ESR1: variants seen among roughly 807,000 people sequenced by gnomAD.
ESR1 encodes the protein estrogen receptor 1.
Under a neutral mutation model 52.7 loss-of-function variants are expected in ESR1, and 12 were observed. The ratio of observed to expected loss-of-function variants is 0.23; its 90% CI spans 0.15 to 0.37. ESR1 has a LOEUF of 0.37. Among genes scored for constraint, ESR1 ranks in the 10% least tolerant of loss-of-function variants. The pLI is 1.00. For synonymous variants in ESR1, 305 were observed against 316.8 expected (o/e 0.96, Z 0.39); for missense variants, 584 against 779.7 (o/e 0.75, Z 2.99).
rs1007185757 is a variant in ESR1, at chr6:151,781,880, AGT to A, written c.-70-25960_-70-25959del. ...CAGTGGGAACCACAGAGCTATTTAG[AGT>A]GTCTGGTATAAATGATTTTATTGTT... is the stretch of plus-strand genomic sequence containing the variant. On this transcript the variant is annotated intron_variant, in intron 2 of 2. Coordinates refer to the ESR1 transcript ENST00000404742. Among the ~76,000 whole-genome samples the A allele has an allele frequency of 1.4e-4, 21 of 152,290 alleles. 1 individual carries two copies. The highest frequency in any genetic ancestry group is 4.3e-4 in the African/African-American group (18 of 41,562).
At chr6:151,709,317 C>CT (rs34376655) in intron 2 of ESR1, among the ~76,000 whole-genome samples, 6 of 152,094 alleles carry the variant, frequency 3.9e-5, no homozygotes, top group Admixed American at 2.6e-4. Flanking sequence ...ATATTTTTCT[C>CT]TTTTTTTAAG....
chr6:152,081,111 T>C (rs2049166421), intron 6 of ESR1, among the ~76,000 whole-genome samples: 1 of 152,210 alleles, frequency 6.6e-6, no homozygotes, highest in Admixed American at 6.5e-5. Flanking sequence ...AACTCAGCTC[T>C]AGACCAAGTG....
At chr6:151,839,238 G>T (rs561411501) in intron 1 of ESR1, among the ~76,000 whole-genome samples, 1 of 152,104 alleles carries the variant, frequency 6.6e-6, no homozygotes, top group South Asian at 2.1e-4. Context: ...AAGTTTATGG[G>T]GATTAGGAGT....
rs962697670 is a variant in ESR1 at position 152,038,294 on chromosome 6, C to T, written c.1236-22697C>T. Among the ~76,000 whole-genome samples, 9 of 152,300 alleles carry T rather than the reference C, an allele frequency of 5.9e-5. 1 individual carries two copies. In the South Asian group the frequency reaches 8.3e-4, roughly 14 times the overall value. On this transcript the variant is annotated intron_variant, in intron 5 of 7. Transcript: ENST00000206249. ...GCTGGCATGATGATGACATGGTGCC[C>T]GCCCAGATTGAGGATGGGTCTCCAT...
intron 4 of ESR1, among the ~76,000 whole-genome samples, chr6:151,957,944 A>G (rs1233786168): frequency 1.1e-4 from 17 of 152,218 alleles, no homozygotes; most frequent in Admixed American, 1.1e-3. Context: ...ATCCTGGGAC[A>G]GGCTTACATT....
chr6:151,663,675 A>T (rs1235011165), intron 1 of ESR1, among the ~76,000 whole-genome samples: 2 of 152,200 alleles, frequency 1.3e-5, no homozygotes, highest in East Asian at 3.8e-4. Context: ...GGCCCCACAG[A>T]GTACGGCTTT....
intron 3 of ESR1, among the ~76,000 whole-genome samples, chr6:151,915,369 A>G (rs1199023196): frequency 6.6e-6 from 1 of 152,164 alleles, no homozygotes; most frequent in Non-Finnish European, 1.5e-5. Flanking sequence ...TTTGTAAGCT[A>G]TGAATAAGGT....
At chr6:152,120,798 T>C (rs901056714) in intron 6 of ESR1, among the ~76,000 whole-genome samples, 1 of 152,132 alleles carries the variant, frequency 6.6e-6, no homozygotes, top group Non-Finnish European at 1.5e-5. Flanking sequence ...GAACCCTAGT[T>C]GAGATGGACT....
At chr6:151,885,923 C>T (rs1056878066) in intron 3 of ESR1, among the ~76,000 whole-genome samples, 1 of 152,064 alleles carries the variant, frequency 6.6e-6, no homozygotes, top group African/African-American at 2.4e-5. Context: ...GATGACAAAT[C>T]GTAACATGGG....
chr6:151,661,128 AT>A (rs1324704684), intron 1 of ESR1, among the ~76,000 whole-genome samples: 2 of 96,032 alleles, frequency 2.1e-5, no homozygotes, highest in Admixed American at 9.9e-5. Context: ...AATTAAAAAA[AT>A]AATGTAATGC....
At position 152,048,306 on chromosome 6, in the gene ESR1, G is replaced by C. The variant is rs118150734; in HGVS notation, c.1236-12685G>C. The stretch of plus-strand genomic sequence containing the variant: ...GGAATTGCTTGAGGAGGATATTGCA[G>C]TGAGCTGGATCGCACCTCTGCACTC... On this transcript the variant is annotated intron_variant, in intron 5 of 7. Transcript: ENST00000206249. 7.4e-5 allele frequency among the ~76,000 whole-genome samples: 11 copies of C among 148,404 alleles called. No individual in the cohort carries two copies. The East Asian group carries it at 1.8e-3, about 24-fold the overall frequency.
intron 1 of ESR1, among the ~76,000 whole-genome samples, chr6:151,667,103 C>G (rs1777856556): frequency 6.6e-6 from 1 of 152,126 alleles, no homozygotes; most frequent in African/African-American, 2.4e-5. Context: ...CTGTCTGGCC[C>G]AGATCTCATT....
At chr6:151,714,188 CA>C (rs539167108) in intron 2 of ESR1, among the ~76,000 whole-genome samples, 7 of 152,264 alleles carry the variant, frequency 4.6e-5, no homozygotes, top group Non-Finnish European at 1.0e-4. Flanking sequence ...AATTTGATTG[CA>C]GTGTGGTCTG....
upstream of ESR1, among the ~76,000 whole-genome samples, chr6:151,806,557 T>TATAC (rs1554259008): frequency 0.021 from 2,787 of 133,768 alleles, 132 homozygotes; most frequent in African/African-American, 0.065. Flanking sequence ...TATATATATA[T>TATAC]ACACATATAT....
chr6:151,750,071 A>G (rs1783788468), intron 2 of ESR1, among the ~76,000 whole-genome samples: 1 of 152,222 alleles, frequency 6.6e-6, no homozygotes, highest in Non-Finnish European at 1.5e-5. Flanking sequence ...ACACTTAGAT[A>G]CATTTCATAT....
intron 3 of ESR1, among the ~76,000 whole-genome samples, chr6:151,885,218 A>G (rs767554528): frequency 1.3e-5 from 2 of 152,146 alleles, no homozygotes; most frequent in African/African-American, 2.4e-5. Flanking sequence ...CCTTCCCTCA[A>G]TGTCCTCACA....
chr6:152,054,756 T>C (rs1328926655), intron 5 of ESR1, among the ~76,000 whole-genome samples: 2 of 152,220 alleles, frequency 1.3e-5, no homozygotes, highest in Admixed American at 6.5e-5. Context: ...TTCTCCCACC[T>C]CTTGGCCTTT....
intron 1 of ESR1, among the ~76,000 whole-genome samples, chr6:151,664,084 C>T (rs1322724270): frequency 6.6e-6 from 1 of 152,134 alleles, no homozygotes; most frequent in African/African-American, 2.4e-5. Flanking sequence ...AGGTACATCA[C>T]ATTCTTGCTA....
chr6:151,765,216 C>A (rs1784955071), intron 2 of ESR1, among the ~76,000 whole-genome samples: 1 of 151,958 alleles, frequency 6.6e-6, no homozygotes, highest in South Asian at 2.1e-4. Flanking sequence ...AATTCAGATG[C>A]TACATTTTTA....
Sources: allele counts gnomAD v4.1 joint callset (sites outside exome capture counted in the v4.1 genomes callset), GRCh38; gene constraint gnomAD v4.1.1; transcripts MANE v1.5; gene names NCBI Gene and HGNC (gene_info 2026-07-23, HGNC 2026-07-21).